The following AMOT variants were observed in gnomAD, a reference collection of about 807,000 sequenced individuals.
AMOT encodes the protein angiomotin.
A neutral mutation model predicts 67.0 loss-of-function variants in AMOT; 11 were observed. That is an observed-to-expected ratio of 0.16 (90% CI 0.10 to 0.27). AMOT has a LOEUF of 0.27. Among genes scored for constraint, AMOT ranks in the 10% least tolerant of loss-of-function variants. AMOT has a pLI of 1.00. For synonymous variants in AMOT, 326 were observed against 321.4 expected (o/e 1.01, Z -0.15); for missense variants, 753 against 852.0 (o/e 0.88, Z 1.45).
At chrX:112,793,180 T>C (rs1825642472) in intron 8 of AMOT, among the ~76,000 whole-genome samples, 1 of 110,993 alleles carries the variant, frequency 9.0e-6, no homozygotes, top group Admixed American at 9.6e-5. Context: ...ATTCTTCTGA[T>C]GGAAGTTGAT....
chrX:112,827,500 C>T (rs1450371483), intron 2 of AMOT, among the ~76,000 whole-genome samples: 4 of 112,191 alleles, frequency 3.6e-5, no homozygotes, highest in Non-Finnish European at 7.5e-5. Context: ...GGTCTGACAT[C>T]ATCTTCAATC....
chrX:112,797,768 G>C (rs917669438), intron 8 of AMOT, among the ~76,000 whole-genome samples: 1 of 109,352 alleles, frequency 9.1e-6, no homozygotes, highest in Non-Finnish European at 1.9e-5. Flanking sequence ...GCGACAGAGA[G>C]AGACTCTGTC....
Position 112,809,879 on chromosome X carries a change from A to G in AMOT, c.1630+15T>C. The stretch of plus-strand genomic sequence containing the variant: ...TCCACACGTTAATACCTGTTTCTGC[A>G]GCTTGCAGACTTACTTTTTGCAAAG... On this transcript the variant is annotated intron_variant, in intron 7 of 13. Transcript: ENST00000371959. The G allele has an allele frequency of 8.3e-7, 1 of 1,202,215 alleles. No individual in the cohort carries two copies. The highest frequency in any genetic ancestry group is 1.1e-6 in the Non-Finnish European group (1 of 887,119).
At chrX:112,811,074 G>A (rs1056258100) in intron 6 of AMOT, among the ~76,000 whole-genome samples, 175 bp downstream of exon 6, 2 of 111,597 alleles carry the variant, frequency 1.8e-5, no homozygotes, top group Non-Finnish European at 3.8e-5. Flanking sequence ...ATCAAGCTTG[G>A]GACTGAGGAC....
intron 4 of AMOT, chrX:112,819,405 G>C (rs1469474341): frequency 1.3e-6 from 1 of 752,568 alleles, no homozygotes; most frequent in Non-Finnish European, 1.6e-6. Context: ...AATTCCTGAT[G>C]GTTTCTCTTG....
chrX:112,808,677 A>C (rs1364457251), intron 7 of AMOT, among the ~76,000 whole-genome samples: 2 of 112,048 alleles, frequency 1.8e-5, no homozygotes, highest in Non-Finnish European at 3.8e-5. Flanking sequence ...TCCACACAGA[A>C]AGGAGTATGA....
intron 10 of AMOT, among the ~76,000 whole-genome samples, chrX:112,786,460 A>G (rs771642000): frequency 5.5e-4 from 62 of 112,313 alleles, no homozygotes; most frequent in African/African-American, 1.7e-3. Context: ...TGCATTGCCA[A>G]ATTGGTTCTT....
chrX:112,792,011 G>GTTT, intron 8 of AMOT, 30 bp from the exon 9 acceptor site: 2 of 1,207,093 alleles, frequency 1.7e-6, no homozygotes, highest in Non-Finnish European at 2.2e-6. Context: ...AATTTGCAAG[G>GTTT]TGAAAGGAAA....
At chrX:112,831,208 C>T (rs1934976171) in intron 2 of AMOT, among the ~76,000 whole-genome samples, 1 of 110,105 alleles carries the variant, frequency 9.1e-6, no homozygotes, top group African/African-American at 3.3e-5. Flanking sequence ...CAACAGTGGA[C>T]ACAACAGGCA....
At chrX:112,815,018 T>C (rs758531325) in intron 5 of AMOT, among the ~76,000 whole-genome samples, 4 of 112,351 alleles carry the variant, frequency 3.6e-5, no homozygotes, top group Non-Finnish European at 5.6e-5. Context: ...TGCCGTCAGA[T>C]CCTTTACCTA....
chrX:112,828,023 G>A, intron 2 of AMOT, among the ~76,000 whole-genome samples: 1 of 111,194 alleles, frequency 9.0e-6, no homozygotes, highest in Non-Finnish European at 1.9e-5. Context: ...CTATGTGTAT[G>A]TATTTGTGCA....
In AMOT at chrX:112,822,340, A is replaced by C. The variant is rs760713242; in HGVS notation, c.787T>G (p.Tyr263Asp). 2 of 1,154,364 alleles carry C rather than the reference A, an allele frequency of 1.7e-6. No individual in the cohort carries two copies. Among genetic ancestry groups the C allele is most frequent in the Non-Finnish European group, 2.3e-6 (2 of 865,904 alleles). ...GGCTGGTTCAGGCGATGCTCACTAT[A>C]GAAGTGCCCTGGCTCTTGGGGCTTG... ...VCKPQEPGHF[Y>D]SEHRLNQPGR... The change falls in exon 4 of 14, where the codon TAT becomes GAT. Residue 263 changes from tyrosine to aspartate, a missense_variant. This residue lies in a region of AMOT where 297 missense variants were observed against 284.3 expected (regional missense o/e 1.04). Transcript: ENST00000371959.
intron 10 of AMOT, among the ~76,000 whole-genome samples, chrX:112,783,730 G>A (rs903312598): frequency 9.1e-6 from 1 of 109,940 alleles, no homozygotes; most frequent in African/African-American, 3.3e-5. Context: ...TGGTGGGCGG[G>A]TGAGGGAGGT....
At chrX:112,780,711 T>C in intron 12 of AMOT, 175 bp downstream of exon 12, 1 of 462,662 alleles carries the variant, frequency 2.2e-6, no homozygotes, top group Non-Finnish European at 3.7e-6. Flanking sequence ...CTTCAAAGTG[T>C]GGAGGAGCTC....
intron 8 of AMOT, among the ~76,000 whole-genome samples, chrX:112,794,232 G>A (rs1262127121): frequency 9.0e-6 from 1 of 111,690 alleles, no homozygotes; most frequent in East Asian, 2.8e-4. Flanking sequence ...AAATATCCTA[G>A]CAAAAGCATC....
intron 12 of AMOT, chrX:112,780,230 T>C (rs1331754307): frequency 8.9e-6 from 1 of 112,260 alleles, no homozygotes; most frequent in Non-Finnish European, 1.9e-5. Flanking sequence ...CAAAAGATAT[T>C]ACAAGTATCA....
At chrX:112,831,392 T>C (rs1420144401) in intron 2 of AMOT, among the ~76,000 whole-genome samples, 1 of 109,088 alleles carries the variant, frequency 9.2e-6, no homozygotes, top group Non-Finnish European at 1.9e-5. Context: ...TCCATAAACT[T>C]TTACTGAGCA....
intron 11 of AMOT, 132 bp downstream of exon 11, chrX:112,782,408 A>G: frequency 1.1e-6 from 1 of 879,367 alleles, no homozygotes; most frequent in Non-Finnish European, 1.7e-6. Context: ...TCACACCTTT[A>G]AGTGACAGGC....
intron 8 of AMOT, among the ~76,000 whole-genome samples, chrX:112,797,520 C>T (rs1417875013): frequency 8.9e-6 from 1 of 111,986 alleles, no homozygotes; most frequent in Non-Finnish European, 1.9e-5. Flanking sequence ...GTGGCTCACA[C>T]CTGTAATCCC....
Sources: gnomAD v4.1 joint callset for allele counts (sites outside exome capture counted in the v4.1 genomes callset) on GRCh38, gnomAD v4.1.1 for gene constraint, gnomAD v4.1.1 regional missense constraint, MANE v1.5 for transcripts, NCBI Gene and HGNC (gene_info 2026-07-23, HGNC 2026-07-21) for gene names.